The following SLC25A42 variants were observed in gnomAD, a reference collection of about 807,000 sequenced individuals.
The protein encoded by SLC25A42 is mitochondrial coenzyme A transporter SLC25A42.
SLC25A42 carries 19 observed loss-of-function variants against 34.7 expected under a neutral mutation model. The ratio of observed to expected loss-of-function variants is 0.55; its 90% CI spans 0.38 to 0.80. SLC25A42 has a LOEUF of 0.80. Among genes scored for constraint, SLC25A42 ranks in the 30% least tolerant of loss-of-function variants. SLC25A42 has a pLI of 0.00. For synonymous variants in SLC25A42, 205 were observed against 191.2 expected (o/e 1.07, Z -0.59); for missense variants, 364 against 441.3 (o/e 0.82, Z 1.57).
chr19:19,078,370 C>G (rs1019677845), intron 1 of SLC25A42, among the ~76,000 whole-genome samples: 21 of 152,114 alleles, frequency 1.4e-4, no homozygotes, highest in African/African-American at 5.1e-4. Flanking sequence ...TCAGCCTGAG[C>G]TCACTCCAGC....
chr19:19,083,547 T>C (rs2059691524), intron 1 of SLC25A42, among the ~76,000 whole-genome samples: 1 of 152,214 alleles, frequency 6.6e-6, no homozygotes, highest in East Asian at 1.9e-4. Flanking sequence ...CTCCTGCCCC[T>C]GCCCTGCCCA....
At chr19:19,074,675 G>A (rs1487258368) in intron 1 of SLC25A42, among the ~76,000 whole-genome samples, 2 of 151,996 alleles carry the variant, frequency 1.3e-5, no homozygotes, top group Non-Finnish European at 2.9e-5. Context: ...ATATGAGTCT[G>A]TGTGTGTGTG....
At chr19:19,097,964 GAAA>G (rs5827429) in intron 2 of SLC25A42, among the ~76,000 whole-genome samples, 1 of 145,008 alleles carries the variant, frequency 6.9e-6, no homozygotes, top group African/African-American at 2.5e-5. Context: ...CCCTGTCTCA[GAAA>G]AAAAAAAAAA....
At chr19:19,079,918 G>A (rs561095141) in intron 1 of SLC25A42, among the ~76,000 whole-genome samples, 1 of 152,168 alleles carries the variant, frequency 6.6e-6, no homozygotes, top group Non-Finnish European at 1.5e-5. Context: ...CCTGGAAGTG[G>A]AATTGCTGGG....
intron 1 of SLC25A42, among the ~76,000 whole-genome samples, chr19:19,092,591 A>T (rs1032023097): frequency 2.0e-5 from 3 of 152,162 alleles, no homozygotes; most frequent in African/African-American, 7.2e-5. Flanking sequence ...ACTGTTCCTC[A>T]CAGGACTGTG....
intron 1 of SLC25A42, among the ~76,000 whole-genome samples, chr19:19,066,037 A>T (rs2059600392): frequency 6.6e-6 from 1 of 151,968 alleles, no homozygotes; most frequent in Non-Finnish European, 1.5e-5. Flanking sequence ...TTGTATTTTT[A>T]ATAGAAACGG....
intron 1 of SLC25A42, among the ~76,000 whole-genome samples, chr19:19,068,592 C>T (rs1470705744): frequency 2.6e-5 from 4 of 151,918 alleles, no homozygotes; most frequent in South Asian, 2.1e-4. Context: ...TGCTTAAACC[C>T]GGGAGGCGGA....
At chr19:19,074,242 T>G (rs2059644855) in intron 1 of SLC25A42, among the ~76,000 whole-genome samples, 1 of 152,156 alleles carries the variant, frequency 6.6e-6, no homozygotes, top group African/African-American at 2.4e-5. Context: ...AACCAAAGAT[T>G]GTCTGAAAGG....
At chr19:19,077,828 A>G (rs2059662254) in intron 1 of SLC25A42, among the ~76,000 whole-genome samples, 1 of 152,212 alleles carries the variant, frequency 6.6e-6, no homozygotes, top group African/African-American at 2.4e-5. Context: ...TGGAAGTTGC[A>G]GTGAGCTGAG....
chr19:19,069,009 A>T (rs1478653256), intron 1 of SLC25A42, among the ~76,000 whole-genome samples: 1 of 141,744 alleles, frequency 7.1e-6, no homozygotes, highest in Admixed American at 7.5e-5. Flanking sequence ...CCTGGGTGAC[A>T]GTGAGGTTCT....
At chr19:19,105,113 G>C in intron 4 of SLC25A42, 175 bp downstream of exon 4, 1 of 753,468 alleles carries the variant, frequency 1.3e-6, no homozygotes, top group South Asian at 1.7e-5. Flanking sequence ...GGGACATCCC[G>C]AGTGTCCTTC....
intron 2 of SLC25A42, among the ~76,000 whole-genome samples, chr19:19,096,975 G>C (rs147550547): frequency 3.3e-5 from 5 of 152,074 alleles, no homozygotes; most frequent in Admixed American, 6.6e-5. Flanking sequence ...AGAGCCAAAG[G>C]GGGTGGGCAT....
rs573543539 is a variant in SLC25A42 at position 19,074,000 on chromosome 19, G to A, written c.-35+9885G>A. On this transcript the variant is annotated intron_variant, in intron 1 of 7. Transcript: ENST00000318596. The stretch of plus-strand genomic sequence containing the variant: ...TGGGATTACAGGCATGAGCCACCAC[G>A]CCCAACCAAACATAGGGCTTTTGAG... Among the ~76,000 whole-genome samples the A allele has an allele frequency of 2.3e-4, 35 of 152,302 alleles. 2 individuals are homozygous for A. The South Asian group carries it at 6.8e-3, about 30-fold the overall frequency.
chr19:19,090,104 C>G (rs1057113653), intron 1 of SLC25A42, among the ~76,000 whole-genome samples: 1 of 152,138 alleles, frequency 6.6e-6, no homozygotes, highest in Non-Finnish European at 1.5e-5. Context: ...TAGAAATCAT[C>G]TTTGAACTTG....
intron 1 of SLC25A42, among the ~76,000 whole-genome samples, chr19:19,085,841 G>A (rs1409222452): frequency 6.6e-6 from 1 of 152,136 alleles, no homozygotes; most frequent in Non-Finnish European, 1.5e-5. Context: ...GAGGAGAGGA[G>A]GGGAGAGGGG....
chr19:19,097,964 GA>G (rs5827429), intron 2 of SLC25A42, among the ~76,000 whole-genome samples: 36 of 144,998 alleles, frequency 2.5e-4, no homozygotes, highest in Admixed American at 3.4e-4. Context: ...CCCTGTCTCA[GA>G]AAAAAAAAAA....
chr19:19,100,168 C>T (rs920861154), intron 2 of SLC25A42, among the ~76,000 whole-genome samples: 5 of 151,794 alleles, frequency 3.3e-5, no homozygotes, highest in African/African-American at 1.2e-4. Context: ...ATGGCGAAAC[C>T]TCATTTCTAC....
In SLC25A42 at chr19:19,110,915, C is replaced by T. The variant is rs1221521573; in HGVS notation, c.*39C>T. The T allele has an allele frequency of 1.2e-6, 2 of 1,607,168 alleles. No homozygotes were observed. Among genetic ancestry groups the T allele is most frequent in the African/African-American group, 1.3e-5 (1 of 74,812 alleles). On this transcript the variant is annotated 3_prime_UTR_variant, in exon 8 of 8. Transcript: ENST00000318596. ...GCTCTCAGGACGGTGGACCGGTGAC[C>T]CCTTTGTATTCTGGGCCCATGGAAC...
intron 2 of SLC25A42, among the ~76,000 whole-genome samples, chr19:19,097,050 T>TA (rs1422741195): frequency 1.3e-5 from 2 of 152,146 alleles, no homozygotes; most frequent in African/African-American, 4.8e-5. Flanking sequence ...GAAGAAAAGA[T>TA]ATTCTCTCAA....
Sources: allele counts gnomAD v4.1 joint callset (sites outside exome capture counted in the v4.1 genomes callset), GRCh38; gene constraint gnomAD v4.1.1; transcripts MANE v1.5; gene names NCBI Gene and HGNC (gene_info 2026-07-23, HGNC 2026-07-21).